The following MYO3B variants were observed in gnomAD, a reference collection of about 807,000 sequenced individuals.
The protein encoded by MYO3B is myosin-IIIb.
A neutral mutation model predicts 174.6 loss-of-function variants in MYO3B; 156 were observed. The observed-to-expected ratio is 0.89, with a 90% CI of 0.78 to 1.02. The LOEUF (loss-of-function observed/expected upper bound fraction) is 1.02, where lower values mean the gene tolerates loss of function less well. MYO3B is among the 50% of genes least tolerant of loss of function. The pLI is 0.00. For synonymous variants in MYO3B, 563 were observed against 569.1 expected (o/e 0.99, Z 0.15); for missense variants, 1,632 against 1,639.4 (o/e 1.00, Z 0.08).
At chr2:170,300,162 A>T (rs566056843) in intron 7 of MYO3B, among the ~76,000 whole-genome samples, 34 of 73,832 alleles carry the variant, frequency 4.6e-4, no homozygotes, top group African/African-American at 1.4e-3. Context: ...GATTGTACTT[A>T]CCTGTACCTT....
chr2:170,494,727 C>CAAAAAAAAAAAAAAAAAAAAAAAAA (rs3066990), intron 25 of MYO3B, among the ~76,000 whole-genome samples: 2 of 92,038 alleles, frequency 2.2e-5, no homozygotes, highest in African/African-American at 8.1e-5. Context: ...AACTGCGTCT[C>CAAAAAAAAAAAAAAAAAAAAAAAAA]AAAAAAAAAA....
intron 7 of MYO3B, among the ~76,000 whole-genome samples, chr2:170,260,814 A>G (rs1285006884): frequency 6.6e-6 from 1 of 152,152 alleles, no homozygotes; most frequent in Admixed American, 6.6e-5. Flanking sequence ...GCAATAGCCT[A>G]TTTCTTGACT....
intron 8 of MYO3B, chr2:170,351,239 GA>G (rs2094065748): frequency 6.6e-6 from 1 of 152,150 alleles, no homozygotes; most frequent in South Asian, 2.1e-4. Flanking sequence ...AACAAGATAG[GA>G]TTCAGAGTTG....
intron 25 of MYO3B, among the ~76,000 whole-genome samples, chr2:170,470,974 T>C (rs1195062322): frequency 1.3e-5 from 2 of 151,712 alleles, no homozygotes; most frequent in Admixed American, 6.6e-5. Context: ...TGCAAATATT[T>C]TCTCTCTCTC....
At chr2:170,574,159 A>G (rs991593812) in intron 32 of MYO3B, among the ~76,000 whole-genome samples, 5 of 152,154 alleles carry the variant, frequency 3.3e-5, no homozygotes, top group African/African-American at 1.2e-4. Context: ...TCATTTACTA[A>G]AGATAAGTAA....
chr2:170,594,595 T>C (rs1694022424), intron 32 of MYO3B, among the ~76,000 whole-genome samples: 1 of 152,188 alleles, frequency 6.6e-6, no homozygotes, highest in Non-Finnish European at 1.5e-5. Context: ...AGGAACATGA[T>C]GGCTAACTTT....
intron 32 of MYO3B, among the ~76,000 whole-genome samples, chr2:170,649,328 A>ATATT (rs1559202344): frequency 1.0e-5 from 1 of 100,384 alleles, no homozygotes; most frequent in African/African-American, 4.3e-5. Context: ...AAAATAATAT[A>ATATT]ATATATATTA....
chr2:170,368,405 C>T (rs959479296), intron 8 of MYO3B, among the ~76,000 whole-genome samples: 8 of 152,202 alleles, frequency 5.3e-5, no homozygotes, highest in African/African-American at 1.2e-4. Flanking sequence ...GAGGGATATT[C>T]GTCAGATTCA....
At chr2:170,542,816 G>C in intron 30 of MYO3B, 90 bp from the exon 31 acceptor site, 3 of 986,540 alleles carry the variant, frequency 3.0e-6, no homozygotes, top group Non-Finnish European at 3.0e-6. Context: ...AGTATGTTTT[G>C]ATATATCTTT....
chr2:170,603,240 C>T (rs1025559300), intron 32 of MYO3B, among the ~76,000 whole-genome samples: 2 of 152,082 alleles, frequency 1.3e-5, no homozygotes, highest in Admixed American at 1.3e-4. Flanking sequence ...TCCACGCCCC[C>T]CCAACCCCAT....
chr2:170,639,095 A>G (rs1030791671), intron 32 of MYO3B, among the ~76,000 whole-genome samples: 8 of 152,198 alleles, frequency 5.3e-5, no homozygotes, highest in African/African-American at 1.7e-4. Context: ...AACCAACACT[A>G]TCTGGTGTCC....
At chr2:170,380,858 G>A (rs150856904) in intron 9 of MYO3B, among the ~76,000 whole-genome samples, 45 of 152,326 alleles carry the variant, frequency 3.0e-4, no homozygotes, top group African/African-American at 1.1e-3. Context: ...GCATATGCCT[G>A]TAATCCCAGC....
chr2:170,535,575 G>C (rs1689637240), intron 30 of MYO3B, among the ~76,000 whole-genome samples: 2 of 152,204 alleles, frequency 1.3e-5, no homozygotes, highest in African/African-American at 2.4e-5. Context: ...CTGAGGCTGA[G>C]AGCATGGGCT....
chr2:170,365,128 G>A (rs928651664), intron 8 of MYO3B, among the ~76,000 whole-genome samples: 7 of 152,142 alleles, frequency 4.6e-5, no homozygotes, highest in Non-Finnish European at 7.4e-5. Flanking sequence ...CTCTGGCCGC[G>A]AAGTATTGTT....
intron 32 of MYO3B, among the ~76,000 whole-genome samples, chr2:170,554,983 T>C (rs1691185647): frequency 1.3e-5 from 2 of 152,226 alleles, no homozygotes; most frequent in African/African-American, 4.8e-5. Context: ...TTTTAAAGGA[T>C]TCTTTCAACT....
In MYO3B at chr2:170,577,944, C is replaced by T. The variant is rs1174512650; in HGVS notation, c.3733+33956C>T. Among the ~76,000 whole-genome samples, 3 of 152,164 alleles carry T rather than the reference C, an allele frequency of 2.0e-5. No individual in the cohort carries two copies. The East Asian group carries it at 5.8e-4, about 29-fold the overall frequency. On this transcript the variant is annotated intron_variant, in intron 32 of 34. Transcript: ENST00000408978. ...GCTCAAACTGCAAAGTGTTCTAGAA[C>T]TGGAGGGTATGTGAGAATATGTGTG...
intron 32 of MYO3B, among the ~76,000 whole-genome samples, chr2:170,581,989 T>A (rs1355620389): frequency 6.6e-6 from 1 of 152,192 alleles, no homozygotes; most frequent in Non-Finnish European, 1.5e-5. Flanking sequence ...TAATGTAATG[T>A]GGGATATACA....
chr2:170,523,268 G>A (rs1276043899), intron 30 of MYO3B, among the ~76,000 whole-genome samples: 2 of 152,190 alleles, frequency 1.3e-5, no homozygotes, highest in East Asian at 3.9e-4. Flanking sequence ...AGATTTTTAT[G>A]AGGGAAGTGT....
intron 17 of MYO3B, 67 bp downstream of exon 17, chr2:170,400,381 A>G (rs1282887592): frequency 2.0e-6 from 3 of 1,500,006 alleles, no homozygotes; most frequent in Non-Finnish European, 2.7e-6. Context: ...TCTGTAAAAT[A>G]TAATGCAGCA....
Sources: gnomAD v4.1 joint callset for allele counts (sites outside exome capture counted in the v4.1 genomes callset) on GRCh38, gnomAD v4.1.1 for gene constraint, MANE v1.5 for transcripts, NCBI Gene and HGNC (gene_info 2026-07-23, HGNC 2026-07-21) for gene names.